The following RTN4RL1 variants were observed in gnomAD, a reference collection of about 807,000 sequenced individuals.
RTN4RL1 encodes the protein reticulon 4 receptor like 1.
A neutral mutation model predicts 25.6 loss-of-function variants in RTN4RL1; 7 were observed. The observed-to-expected ratio is 0.27, with a 90% CI of 0.16 to 0.51. RTN4RL1 has a LOEUF of 0.51. RTN4RL1 is among the 20% of genes least tolerant of loss of function. RTN4RL1 has a pLI of 0.97. For synonymous variants in RTN4RL1, 297 were observed against 288.2 expected (o/e 1.03, Z -0.31); for missense variants, 500 against 615.6 (o/e 0.81, Z 1.99).
At chr17:1,952,332 GTTTT>G (rs56878786) in intron 1 of RTN4RL1, among the ~76,000 whole-genome samples, 12 of 135,428 alleles carry the variant, frequency 8.9e-5, no homozygotes, top group South Asian at 2.4e-4. Flanking sequence ...AGGGAGGTTG[GTTTT>G]TTTTTTTTTT....
chr17:2,007,878 G>A (rs1317100738), intron 1 of RTN4RL1, among the ~76,000 whole-genome samples: 4 of 151,590 alleles, frequency 2.6e-5, no homozygotes, highest in Non-Finnish European at 5.9e-5. Flanking sequence ...CCTGGAAGGA[G>A]GAGGCTGCAG....
chr17:1,955,744 C>T (rs1012312250), intron 1 of RTN4RL1, among the ~76,000 whole-genome samples: 4 of 151,668 alleles, frequency 2.6e-5, no homozygotes, highest in Non-Finnish European at 4.4e-5. Flanking sequence ...CCACCATGCC[C>T]GGCGAATTTT....
intron 1 of RTN4RL1, among the ~76,000 whole-genome samples, chr17:1,978,424 A>ACGG (rs1163749570): frequency 5.3e-4 from 81 of 152,372 alleles, no homozygotes; most frequent in Non-Finnish European, 1.1e-3. Context: ...GTGGAGCAGA[A>ACGG]GCCTTTAGAG....
rs1247554670 is a variant in RTN4RL1 at position 2,008,942 on chromosome 17, C to T, written c.13+15911G>A. Among the ~76,000 whole-genome samples, 4 of 152,118 alleles carry T rather than the reference C, an allele frequency of 2.6e-5. No homozygotes were observed. The East Asian group carries it at 7.7e-4, about 29-fold the overall frequency. ...CTCTCTCCTAGCAGGTTGTAAATTTCCTGGGCCTGCAGACTGAGCCTCAGC... is the reference window on the plus strand; with the variant it reads ...CTCTCTCCTAGCAGGTTGTAAATTTTCTGGGCCTGCAGACTGAGCCTCAGC... On this transcript the variant is annotated intron_variant, in intron 1 of 1. Coordinates refer to ENST00000331238, the MANE Select transcript of RTN4RL1 (RefSeq NM_178568.4).
At chr17:1,954,040 A>T (rs1371806895) in intron 1 of RTN4RL1, among the ~76,000 whole-genome samples, 2 of 152,202 alleles carry the variant, frequency 1.3e-5, no homozygotes, top group East Asian at 1.9e-4. Flanking sequence ...AAACGGAGAG[A>T]ACCTGTGTCC....
chr17:2,022,596 A>C (rs1319559194), intron 1 of RTN4RL1, among the ~76,000 whole-genome samples: 1 of 152,256 alleles, frequency 6.6e-6, no homozygotes, highest in Non-Finnish European at 1.5e-5. Flanking sequence ...AGTGTCCTAT[A>C]CAGGTGTGCA....
intron 1 of RTN4RL1, among the ~76,000 whole-genome samples, chr17:1,939,395 A>T (rs944850082): frequency 2.3e-5 from 3 of 130,130 alleles, no homozygotes; most frequent in African/African-American, 8.6e-5. Context: ...AATAAATAAA[A>T]TACAGACAAT....
chr17:1,969,799 A>G (rs1413204440), intron 1 of RTN4RL1, among the ~76,000 whole-genome samples: 1 of 152,102 alleles, frequency 6.6e-6, no homozygotes, highest in Admixed American at 6.6e-5. Flanking sequence ...ATTTCTTACT[A>G]CAATAGTCCT....
rs1260364380 is a variant in RTN4RL1, at chr17:1,998,486, C to T, written c.13+26367G>A. On this transcript the variant is annotated intron_variant, in intron 1 of 1. Transcript: ENST00000331238. This position sits in a 1 kb window ranked among gnomAD's most constrained non-coding sequence, Gnocchi z 4.9. The stretch of plus-strand genomic sequence containing the variant: ...CCCACGCGCCCCGCTCGGGTCGGGC[C>T]TCCCCTCCCCGCGGCTGCCCCCGGG... Among the ~76,000 whole-genome samples, 3 of 151,958 alleles carry T rather than the reference C, an allele frequency of 2.0e-5. No individual in the cohort carries two copies. The highest frequency in any genetic ancestry group is 4.4e-5 in the Non-Finnish European group (3 of 67,938).
intron 1 of RTN4RL1, among the ~76,000 whole-genome samples, chr17:1,953,855 G>A (rs1181981228): frequency 2.0e-5 from 3 of 152,156 alleles, no homozygotes; most frequent in Non-Finnish European, 2.9e-5. Context: ...ATGAGCCACC[G>A]TGCCTGGCCA....
intron 1 of RTN4RL1, among the ~76,000 whole-genome samples, chr17:1,981,152 G>A (rs1320969868): frequency 6.6e-6 from 1 of 152,044 alleles, no homozygotes; most frequent in Non-Finnish European, 1.5e-5. Context: ...GGGAGGCTGA[G>A]GAGGGAGGAT....
At chr17:1,997,632 A>T (rs2066935116) in intron 1 of RTN4RL1, among the ~76,000 whole-genome samples, 1 of 152,184 alleles carries the variant, frequency 6.6e-6, no homozygotes, top group African/African-American at 2.4e-5. Flanking sequence ...TGCCCAGGAA[A>T]TCGGGAGCAC....
At chr17:2,012,715 C>T (rs2067065424) in intron 1 of RTN4RL1, among the ~76,000 whole-genome samples, 1 of 151,996 alleles carries the variant, frequency 6.6e-6, no homozygotes, top group African/African-American at 2.4e-5. Flanking sequence ...ATTCAATCAA[C>T]ATTTATTAGC....
chr17:1,998,158 G>A lies in RTN4RL1; in HGVS notation c.13+26695C>T, dbSNP rs2066938441. Among the ~76,000 whole-genome samples the A allele has an allele frequency of 6.6e-6, 1 of 152,002 alleles. No individual in the cohort carries two copies. The highest frequency in any genetic ancestry group is 1.5e-5 in the Non-Finnish European group (1 of 67,952). On this transcript the variant is annotated intron_variant, in intron 1 of 1. Coordinates refer to ENST00000331238, the MANE Select transcript of RTN4RL1 (RefSeq NM_178568.4). This position sits in a 1 kb window ranked among gnomAD's most constrained non-coding sequence, Gnocchi z 4.9. Reference sequence around the variant, plus strand: ...GCGGAGGGGGCGGGGAGGCCTCCTTGGCTCCCTGGCCCGGATTAAATATTT... The same window carrying A: ...GCGGAGGGGGCGGGGAGGCCTCCTTAGCTCCCTGGCCCGGATTAAATATTT...
At chr17:1,952,206 C>T (rs1915696722) in intron 1 of RTN4RL1, among the ~76,000 whole-genome samples, 1 of 152,150 alleles carries the variant, frequency 6.6e-6, no homozygotes, top group Admixed American at 6.5e-5. Context: ...CACGAATACC[C>T]CCAGGGGAGT....
At chr17:1,964,884 G>A (rs2066783026) in intron 1 of RTN4RL1, among the ~76,000 whole-genome samples, 1 of 144,422 alleles carries the variant, frequency 6.9e-6, no homozygotes, top group Admixed American at 7.2e-5. Context: ...CGCCTCTCGT[G>A]TTCAAGAGAT....
intron 1 of RTN4RL1, among the ~76,000 whole-genome samples, chr17:1,984,897 G>A (rs547323385): frequency 6.6e-6 from 1 of 152,114 alleles, no homozygotes; most frequent in Non-Finnish European, 1.5e-5. Flanking sequence ...AACCCAGAAG[G>A]CGGAGGTTGC....
At chr17:2,007,419 C>G (rs535040008) in intron 1 of RTN4RL1, among the ~76,000 whole-genome samples, 5 of 151,294 alleles carry the variant, frequency 3.3e-5, no homozygotes, top group Non-Finnish European at 5.9e-5. Context: ...CAAGTCCCGT[C>G]TGGCTGCTTG....
At chr17:1,963,857 G>A (rs144918291) in intron 1 of RTN4RL1, among the ~76,000 whole-genome samples, 131 of 152,214 alleles carry the variant, frequency 8.6e-4, no homozygotes, top group African/African-American at 2.9e-3. Context: ...TCAGGCTCCC[G>A]AGTAGCTGGG....
Sources: allele counts gnomAD v4.1 joint callset (sites outside exome capture counted in the v4.1 genomes callset), GRCh38; gene constraint gnomAD v4.1.1; non-coding constraint Gnocchi (gnomAD v3.1); transcripts MANE v1.5; gene names NCBI Gene and HGNC (gene_info 2026-07-23, HGNC 2026-07-21).